HNF4A: variants seen among roughly 807,000 people sequenced by gnomAD.
HNF4A encodes the protein hepatocyte nuclear factor 4-alpha.
Under a neutral mutation model 52.4 loss-of-function variants are expected in HNF4A, and 15 were observed. That is an observed-to-expected ratio of 0.29 (90% confidence interval 0.19 to 0.44). The LOEUF (loss-of-function observed/expected upper bound fraction) is 0.44, where lower values mean the gene tolerates loss of function less well. Among genes scored for constraint, HNF4A ranks in the 20% least tolerant of loss-of-function variants. The probability of loss-of-function intolerance (pLI) is 1.00; values close to 1 mark genes in which losing one functional copy is unlikely to be tolerated. For missense variants in HNF4A, 479 were observed against 647.2 expected (o/e 0.74, Z 2.82); for synonymous variants, 280 against 264.4 (o/e 1.06, Z -0.57).
chr20:44,429,493 C>A, intron 9 of HNF4A, 30 bp from the exon 10 acceptor site: 1 of 1,614,052 alleles, frequency 6.2e-7, no homozygotes. Context: ...GAATTTTGAG[C>A]AGCCCCTGTC....
At chr20:44,393,752 C>G (rs1465697665) in intron 1 of HNF4A, among the ~76,000 whole-genome samples, 2 of 152,100 alleles carry the variant, frequency 1.3e-5, no homozygotes, top group African/African-American at 4.8e-5. Flanking sequence ...TCATGACAAC[C>G]CTGGAAGTTA....
chr20:44,420,615 A>T (rs1460207096), intron 7 of HNF4A, among the ~76,000 whole-genome samples: 2 of 152,074 alleles, frequency 1.3e-5, no homozygotes, highest in Non-Finnish European at 2.9e-5. Context: ...CCTCGTCTCT[A>T]TAGAAACTAA....
intron 1 of HNF4A, among the ~76,000 whole-genome samples, chr20:44,372,279 A>C (rs1309187016): frequency 3.3e-5 from 5 of 152,214 alleles, no homozygotes; most frequent in Non-Finnish European, 7.3e-5. Flanking sequence ...GGTCCCTCAG[A>C]TTCTATAGCA....
At chr20:44,361,714 C>A (rs199663750) in intron 1 of HNF4A, among the ~76,000 whole-genome samples, 2 of 145,030 alleles carry the variant, frequency 1.4e-5, no homozygotes, top group Non-Finnish European at 3.1e-5. Flanking sequence ...CAAAAAAAAA[C>A]AACAAAAAAA....
chr20:44,371,612 G>T (rs1301596476), intron 1 of HNF4A, among the ~76,000 whole-genome samples: 1 of 152,112 alleles, frequency 6.6e-6, no homozygotes, highest in African/African-American at 2.4e-5. Context: ...ATCACTTGAG[G>T]TCAGGAATTC....
chr20:44,374,410 T>A (rs976119987), intron 1 of HNF4A, among the ~76,000 whole-genome samples: 1 of 152,174 alleles, frequency 6.6e-6, no homozygotes, highest in Non-Finnish European at 1.5e-5. Flanking sequence ...ATGTACCACA[T>A]TTTCATTATC....
chr20:44,378,392 C>T (rs536201902), intron 1 of HNF4A, among the ~76,000 whole-genome samples: 11 of 151,842 alleles, frequency 7.2e-5, no homozygotes, highest in Admixed American at 3.9e-4. Context: ...CTCAGCCTCC[C>T]GAGTAGCTGG....
At chr20:44,400,979 A>AG (rs1237141878), upstream of HNF4A, among the ~76,000 whole-genome samples, 2 of 151,276 alleles carry the variant, frequency 1.3e-5, no homozygotes, top group Non-Finnish European at 3.0e-5. Context: ...AATGGCTTGG[A>AG]GGGGTGGGTG....
rs539956232 is a variant in HNF4A, at chr20:44,361,984, T to C, written c.49+6131T>C. ...TGTTCCCAGCTGAGGGAACAGCATA[T>C]GAAAAGGCCTGGAGCCTGGCCACAC... On this transcript the variant is annotated intron_variant, in intron 1 of 9. Coordinates refer to the HNF4A transcript ENST00000316673. 1.4e-4 allele frequency among the ~76,000 whole-genome samples: 22 copies of C among 152,162 alleles called. No individual in the cohort carries two copies. In the South Asian group the frequency reaches 4.1e-3, roughly 29 times the overall value.
At chr20:44,363,636 T>TCTGGCC (rs1288377115) in intron 1 of HNF4A, among the ~76,000 whole-genome samples, 24 of 151,674 alleles carry the variant, frequency 1.6e-4, no homozygotes, top group Non-Finnish European at 2.4e-4. Context: ...GGGAGATGGC[T>TCTGGCC]CTGGCCCTGG....
At chr20:44,402,724 G>A in intron 1 of HNF4A, 1 of 853,880 alleles carries the variant, frequency 1.2e-6, no homozygotes, top group African/African-American at 1.8e-5. Context: ...AGAGGAGAGG[G>A]GGCAGGCAGC....
rs139155447 is a variant in HNF4A, at chr20:44,396,148, G to A, written c.50-9910G>A. Among the ~76,000 whole-genome samples, 1,105 of 152,242 alleles carry A rather than the reference G, an allele frequency of 7.3e-3. 14 individuals are homozygous for A. The highest frequency in any genetic ancestry group is 0.025 in the African/African-American group (1,044 of 41,544). Reference sequence around the variant, plus strand: ...CCCTCAAGCTCTGGAGGCAGACTCGGGTTCAAACAACAGCCCCTCCCTTAC... The same window carrying A: ...CCCTCAAGCTCTGGAGGCAGACTCGAGTTCAAACAACAGCCCCTCCCTTAC... On this transcript the variant is annotated intron_variant, in intron 1 of 9. Transcript: ENST00000316673.
intron 1 of HNF4A, among the ~76,000 whole-genome samples, chr20:44,361,980 CATATGAA>C (rs1428558752): frequency 6.6e-6 from 1 of 152,128 alleles, no homozygotes; most frequent in Non-Finnish European, 1.5e-5. Flanking sequence ...GAGGGAACAG[CATATGAA>C]AAGGCCTGGA....
intron 9 of HNF4A, among the ~76,000 whole-genome samples, chr20:44,429,205 C>T (rs974088517): frequency 1.3e-5 from 2 of 152,156 alleles, no homozygotes; most frequent in South Asian, 2.1e-4. Context: ...ATCCCATTGC[C>T]GCTGGGGACA....
chr20:44,377,275 G>C (rs1003649032), intron 1 of HNF4A, among the ~76,000 whole-genome samples: 3 of 152,060 alleles, frequency 2.0e-5, no homozygotes, highest in Non-Finnish European at 4.4e-5. Flanking sequence ...ATAGGCACTG[G>C]AGAAACCAAA....
intron 1 of HNF4A, among the ~76,000 whole-genome samples, chr20:44,363,317 T>C (rs2062937017): frequency 6.6e-6 from 1 of 152,328 alleles, no homozygotes; most frequent in Non-Finnish European, 1.5e-5. Context: ...TTATTATTAT[T>C]ATACCTATAG....
chr20:44,410,918 G>A (rs556301118), intron 3 of HNF4A, among the ~76,000 whole-genome samples: 4 of 152,186 alleles, frequency 2.6e-5, no homozygotes, highest in South Asian at 2.1e-4. Flanking sequence ...GGGGCTTCAG[G>A]TCTCATGGGC....
At chr20:44,376,021 C>T (rs566674040) in intron 1 of HNF4A, among the ~76,000 whole-genome samples, 25 of 151,734 alleles carry the variant, frequency 1.6e-4, no homozygotes, top group South Asian at 8.4e-4. Flanking sequence ...TTGAGGCAGG[C>T]GGATCACGAG....
chr20:44,370,317 A>G (rs899926729), intron 1 of HNF4A, among the ~76,000 whole-genome samples: 5 of 152,220 alleles, frequency 3.3e-5, no homozygotes, highest in East Asian at 1.9e-4. Flanking sequence ...GTGAGCCACA[A>G]CGCCCAGCCA....
Sources: allele counts gnomAD v4.1 joint callset (sites outside exome capture counted in the v4.1 genomes callset), GRCh38; gene constraint gnomAD v4.1.1; transcripts MANE v1.5; gene names NCBI Gene and HGNC (gene_info 2026-07-23, HGNC 2026-07-21).